Variants in STPG2 observed in about 807,000 individuals in gnomAD.
The protein encoded by STPG2 is sperm tail PG-rich repeat containing 2, also known as sperm-tail PG-rich repeat-containing protein 2.
In STPG2, 56 loss-of-function variants were observed where a neutral mutation model predicts 54.2. That is an observed-to-expected ratio of 1.03 (90% CI 0.83 to 1.29). The LOEUF is 1.29. Ranked by LOEUF, STPG2 falls within the 50% of genes most tolerant of loss-of-function variation. STPG2 has a pLI of 0.00. For synonymous variants in STPG2, 200 were observed against 181.8 expected, an observed-to-expected ratio of 1.10 and a Z score of -0.81; for missense variants, 596 against 544.9, an observed-to-expected ratio of 1.09 and a Z score of -0.93.
At chr4:98,006,653 A>C (rs114535012) in intron 5 of STPG2, among the ~76,000 whole-genome samples, 4,660 of 152,098 alleles carry the variant, frequency 0.031, 105 homozygotes, top group Middle Eastern at 0.062. Flanking sequence ...CTGTAATTGG[A>C]CTCTACCACT....
At chr4:98,062,904 CT>C (rs1167919786) in intron 5 of STPG2, among the ~76,000 whole-genome samples, 4 of 151,678 alleles carry the variant, frequency 2.6e-5, no homozygotes, top group Admixed American at 1.3e-4. Context: ...TTATTATCTT[CT>C]TTTTTTAATT....
At chr4:97,875,404 TC>T (rs2149159494) in intron 8 of STPG2, among the ~76,000 whole-genome samples, 1 of 149,988 alleles carries the variant, frequency 6.7e-6, no homozygotes, top group Admixed American at 6.7e-5. Context: ...AAAAAAAAGA[TC>T]AGAGCCTAAT....
intron 9 of STPG2, among the ~76,000 whole-genome samples, chr4:97,746,715 T>C (rs1339680890): frequency 1.3e-5 from 2 of 151,296 alleles, no homozygotes; most frequent in Non-Finnish European, 3.0e-5. Context: ...CTGACAGCAC[T>C]GTTGCTGTTA....
At chr4:97,682,879 A>G (rs889537964) in intron 10 of STPG2, among the ~76,000 whole-genome samples, 1 of 151,842 alleles carries the variant, frequency 6.6e-6, no homozygotes, top group Non-Finnish European at 1.5e-5. Context: ...AAACTCAATT[A>G]GAAAAGAAAA....
intron 9 of STPG2, among the ~76,000 whole-genome samples, chr4:97,810,306 A>G (rs1205777493): frequency 1.3e-5 from 2 of 152,096 alleles, no homozygotes; most frequent in Non-Finnish European, 2.9e-5. Context: ...TCTACTAAAA[A>G]TACAAAAATT....
chr4:97,745,274 A>C (rs899954100), intron 9 of STPG2, among the ~76,000 whole-genome samples: 10 of 149,360 alleles, frequency 6.7e-5, no homozygotes, highest in Admixed American at 5.3e-4. Flanking sequence ...AAAAAAAAAA[A>C]CAATTGCAGA....
At chr4:97,443,862 C>A (rs1729152266) in intron 4 of STPG2, among the ~76,000 whole-genome samples, 1 of 152,022 alleles carries the variant, frequency 6.6e-6, no homozygotes, top group African/African-American at 2.4e-5. Flanking sequence ...AAAACATAAG[C>A]AGAACCAAAG....
intron 5 of STPG2, among the ~76,000 whole-genome samples, chr4:98,067,551 C>T (rs1247529119): frequency 1.3e-5 from 2 of 152,044 alleles, no homozygotes; most frequent in Non-Finnish European, 2.9e-5. Flanking sequence ...CAGATAATAT[C>T]AAGATTTATT....
intron 5 of STPG2, among the ~76,000 whole-genome samples, chr4:98,006,256 C>T (rs185177844): frequency 6.6e-6 from 1 of 152,198 alleles, no homozygotes; most frequent in East Asian, 1.9e-4. Context: ...GAGTAAAGTT[C>T]CAAAGAGGAA....
intron 5 of STPG2, among the ~76,000 whole-genome samples, chr4:98,093,281 T>C (rs17484966): frequency 0.4 from 60,162 of 152,030 alleles, 12,141 homozygotes; most frequent in Middle Eastern, 0.46. Context: ...ATATTTGTGT[T>C]TTTTAACAGG....
chr4:97,578,691 A>G (rs1474902472), intron 10 of STPG2, among the ~76,000 whole-genome samples: 1 of 151,962 alleles, frequency 6.6e-6, no homozygotes, highest in East Asian at 1.9e-4. Context: ...CTTTATCCAC[A>G]TAATAGCCAA....
intron 8 of STPG2, among the ~76,000 whole-genome samples, chr4:97,859,466 CT>C (rs70953089): frequency 0.45 from 57,581 of 128,524 alleles, 10,989 homozygotes; most frequent in African/African-American, 0.52. Flanking sequence ...CTTTTCTTTT[CT>C]TTTTTTTTTT....
chr4:97,984,776 G>A (rs1175730017), intron 5 of STPG2, among the ~76,000 whole-genome samples: 1 of 125,352 alleles, frequency 8.0e-6, no homozygotes, highest in Non-Finnish European at 1.7e-5. Context: ...GGACAGAAAA[G>A]TCTCAATTTG....
chr4:98,048,548 C>T, intron 5 of STPG2: 1 of 184,658 alleles, frequency 5.4e-6, no homozygotes, highest in Non-Finnish European at 1.2e-5. Context: ...TGCTTTCTGG[C>T]TCTACCATGC....
intron 10 of STPG2, among the ~76,000 whole-genome samples, chr4:97,616,136 A>T (rs1733869361): frequency 7.2e-6 from 1 of 138,316 alleles, no homozygotes; most frequent in Non-Finnish European, 1.6e-5. Flanking sequence ...AGCCATGTTA[A>T]GTGCAGTTTT....
chr4:97,931,650 TTGGTTTTTTTGTTTTTTG>T (rs1260573287), intron 8 of STPG2, among the ~76,000 whole-genome samples: 5 of 65,090 alleles, frequency 7.7e-5, no homozygotes, highest in South Asian at 1.3e-3. Flanking sequence ...TTTTTTGTTT[TTGGTTTTTTTGTTTTTTG>T]TTGTTGTTGT....
intron 4 of STPG2, among the ~76,000 whole-genome samples, chr4:97,478,873 A>ATGTGTGTG (rs35662485): frequency 1.2e-4 from 16 of 134,038 alleles, no homozygotes; most frequent in African/African-American, 3.3e-4. Flanking sequence ...CAAGCCAAAT[A>ATGTGTGTG]TGTGTGTGTG....
chr4:97,793,380 C>T (rs200407640), intron 9 of STPG2, among the ~76,000 whole-genome samples: 24,278 of 149,856 alleles, frequency 0.16, 2,151 homozygotes, highest in East Asian at 0.36. Flanking sequence ...TACACACACA[C>T]ACACACACAC....
intron 10 of STPG2, among the ~76,000 whole-genome samples, chr4:97,596,298 C>T (rs953309713): frequency 6.6e-6 from 1 of 151,986 alleles, no homozygotes; most frequent in Non-Finnish European, 1.5e-5. Flanking sequence ...CTTAGATTTC[C>T]ACCCAATAAT....
Sources: allele counts gnomAD v4.1 joint callset (sites outside exome capture counted in the v4.1 genomes callset), GRCh38; gene constraint gnomAD v4.1.1; transcripts MANE v1.5; gene names NCBI Gene and HGNC (gene_info 2026-07-23, HGNC 2026-07-21).